POLI: variants seen among roughly 807,000 people sequenced by gnomAD.
The protein encoded by POLI is RAD30 homolog B.
POLI carries 58 observed loss-of-function variants against 51.6 expected under a neutral mutation model. That is an observed-to-expected ratio of 1.12 (90% CI 0.91 to 1.40). The LOEUF (loss-of-function observed/expected upper bound fraction) is 1.40. Among genes scored for constraint, POLI ranks in the 40% most tolerant of loss-of-function variants. The pLI is 0.00. For synonymous variants in POLI, 322 were observed against 299.7 expected, an observed-to-expected ratio of 1.07 and a Z score of -0.77; for missense variants, 921 against 871.3, an observed-to-expected ratio of 1.06 and a Z score of -0.72.
rs2088210051 is a variant in POLI at position 54,294,609 on chromosome 18, G to T, written c.*142G>T. 1.5e-6 allele frequency: 2 copies of T among 1,295,898 alleles called. No individual in the cohort carries two copies. The highest frequency in any genetic ancestry group is 2.0e-6 in the Non-Finnish European group (2 of 1,025,474). The allele number at this position is 1,295,898 out of a possible 1,614,324, so 80.3% of individuals were successfully genotyped here. A position where few individuals can be genotyped will look rare whatever the true frequency, so the allele number is the denominator to read the frequency against. ...CCAGATAAAGCAAGAATAGTTGCAAGAAGTAAATTCTGGCACAAAGCGTAA... is the reference window on the plus strand; with the variant it reads ...CCAGATAAAGCAAGAATAGTTGCAATAAGTAAATTCTGGCACAAAGCGTAA... On this transcript the variant is annotated 3_prime_UTR_variant, in exon 10 of 10. Coordinates refer to ENST00000579534, the MANE Select transcript of POLI (RefSeq NM_007195.3).
In POLI at chr18:54,297,472, G is replaced by T; in HGVS notation, c.*3005G>T. On this transcript the variant is annotated 3_prime_UTR_variant, in exon 10 of 10. Transcript: ENST00000579534. ...AGGTCTCTTTTCTCCAAGATCTAGT[G>T]TTTTGTACTAGGAGAACTCTAAAAA... 1 of 980,272 alleles carries T rather than the reference G, an allele frequency of 1.0e-6. No homozygotes were observed. Among genetic ancestry groups the T allele is most frequent in the Non-Finnish European group, 1.2e-6 (1 of 825,348 alleles). 60.7% of individuals were successfully genotyped at this position (980,272 alleles called of 1,614,324 possible).
At chr18:54,309,615 TG>T (rs1382506700) in intron 3 of POLI, among the ~76,000 whole-genome samples, 13 of 152,322 alleles carry the variant, frequency 8.5e-5, no homozygotes, top group African/African-American at 2.9e-4. Flanking sequence ...TCTTCAGAGC[TG>T]TCAGACAGGG....
chr18:54,319,088 A>G (rs2088765985), intron 3 of POLI, among the ~76,000 whole-genome samples: 1 of 152,128 alleles, frequency 6.6e-6, no homozygotes, highest in African/African-American at 2.4e-5. Flanking sequence ...CATTGGGACA[A>G]TGCCACCAGA....
exon 5 of POLI, chr18:54,321,241 A>G (rs561438650): frequency 6.6e-6 from 1 of 152,358 alleles, no homozygotes; most frequent in South Asian, 2.1e-4. Flanking sequence ...TGTTAAATAA[A>G]TGGAAGAATC....
At position 54,298,154 on chromosome 18, in the gene POLI, A is replaced by G. The variant is rs1485592731; in HGVS notation, c.*3687A>G. 1.6e-6 allele frequency: 1 copy of G among 615,664 alleles called. No individual in the cohort carries two copies. Among genetic ancestry groups the G allele is most frequent in the Non-Finnish European group, 2.0e-6 (1 of 492,256 alleles). The allele number at this position is 615,664 out of a possible 1,614,324, so 38.1% of individuals were successfully genotyped here. A position where few individuals can be genotyped will look rare whatever the true frequency, so the allele number is the denominator to read the frequency against. ...TTAAAATCTGTATATAGAAAGGTAC[A>G]TAAACATAAATGAACATGTTAATGA... is the stretch of plus-strand genomic sequence containing the variant. On this transcript the variant is annotated 3_prime_UTR_variant, in exon 10 of 10. Coordinates refer to ENST00000579534, the MANE Select transcript of POLI (RefSeq NM_007195.3).
chr18:54,300,980 T>C (rs575902162), downstream of POLI, among the ~76,000 whole-genome samples: 1 of 152,180 alleles, frequency 6.6e-6, no homozygotes, highest in African/African-American at 2.4e-5. Flanking sequence ...TATCCACAAT[T>C]GTAGTTAAGA....
At chr18:54,290,831 A>T (rs2087975916) in intron 8 of POLI, among the ~76,000 whole-genome samples, 1 of 152,050 alleles carries the variant, frequency 6.6e-6, no homozygotes, top group African/African-American at 2.4e-5. Context: ...GCCTATCTGG[A>T]TGGAGGGCTG....
chr18:54,293,504 CTA>C, intron 9 of POLI, 143 bp from the exon 10 acceptor site: 1 of 568,456 alleles, frequency 1.8e-6, no homozygotes, highest in Non-Finnish European at 3.1e-6. Flanking sequence ...TAGTAGATCT[CTA>C]GTTGTTTGGA....
chr18:54,303,467 G>A (rs2088527152), intron 3 of POLI, among the ~76,000 whole-genome samples: 1 of 151,952 alleles, frequency 6.6e-6, no homozygotes, highest in Non-Finnish European at 1.5e-5. Flanking sequence ...ATTTGGTGGG[G>A]GACTATAATT....
chr18:54,296,129 AAACT>A lies in POLI; in HGVS notation c.*1663_*1666del. ...ACATGAGTATTCCAGTAAGGTAATT[AAACT>A]TATGAAAAGGGTATATAACTTTTTG... On this transcript the variant is annotated 3_prime_UTR_variant, in exon 10 of 10. Transcript: ENST00000579534. The A allele has an allele frequency of 2.0e-6, 2 of 982,206 alleles. No individual in the cohort carries two copies. Among genetic ancestry groups the A allele is most frequent in the Non-Finnish European group, 2.4e-6 (2 of 827,006 alleles). 60.8% of individuals were successfully genotyped at this position (982,206 alleles called of 1,614,324 possible). A position where few individuals can be genotyped will look rare whatever the true frequency, so the allele number is the denominator to read the frequency against.
intron 1 of POLI, 116 bp downstream of exon 1, chr18:54,269,777 C>T (rs1185358007): frequency 1.4e-6 from 2 of 1,384,208 alleles, no homozygotes; most frequent in South Asian, 1.6e-5. Flanking sequence ...CCACTCGGCT[C>T]CTCTAAGAGA....
chr18:54,269,762 C>G (rs1176304693), intron 1 of POLI, 101 bp downstream of exon 1: 8 of 1,395,212 alleles, frequency 5.7e-6, no homozygotes, highest in Non-Finnish European at 7.4e-6. Flanking sequence ...GCGACCGTCC[C>G]CGCCCCACTC....
chr18:54,285,197 T>C (rs2144540509), intron 7 of POLI, among the ~76,000 whole-genome samples: 1 of 152,330 alleles, frequency 6.6e-6, no homozygotes, highest in South Asian at 2.1e-4. Flanking sequence ...GTGATATGAC[T>C]CAGGCTGGGC....
chr18:54,308,095 T>C (rs1210325058), intron 3 of POLI, among the ~76,000 whole-genome samples: 1 of 152,192 alleles, frequency 6.6e-6, no homozygotes, highest in Non-Finnish European at 1.5e-5. Flanking sequence ...AAGGTTAATA[T>C]TGTTATGTGT....
At chr18:54,311,017 T>C in intron 3 of POLI, 1 of 734,530 alleles carries the variant, frequency 1.4e-6, no homozygotes, top group Non-Finnish European at 1.7e-6. Context: ...CTTTGCTTCC[T>C]GAAGTGCTAG....
chr18:54,316,063 G>C (rs751267949), intron 3 of POLI, among the ~76,000 whole-genome samples: 8 of 151,992 alleles, frequency 5.3e-5, no homozygotes. Flanking sequence ...CTACAGGCAT[G>C]TACCACCATG....
At chr18:54,279,260 T>G (rs2087389137) in intron 4 of POLI, among the ~76,000 whole-genome samples, 2 of 141,346 alleles carry the variant, frequency 1.4e-5, no homozygotes, top group African/African-American at 6.0e-5. Flanking sequence ...TTTTTTTTTT[T>G]GAGACAGAGT....
At chr18:54,290,964 C>T (rs1371247544) in intron 8 of POLI, among the ~76,000 whole-genome samples, 1 of 152,104 alleles carries the variant, frequency 6.6e-6, no homozygotes, top group Non-Finnish European at 1.5e-5. Context: ...AACCCCAGAA[C>T]TTAAAGTATA....
chr18:54,307,111 T>C (rs1049051536), intron 3 of POLI, among the ~76,000 whole-genome samples: 4 of 152,338 alleles, frequency 2.6e-5, no homozygotes, highest in Admixed American at 1.3e-4. Context: ...CTCATCTTAG[T>C]TATTTCTTGC....
Sources: gnomAD v4.1 joint callset for allele counts (sites outside exome capture counted in the v4.1 genomes callset) on GRCh38, gnomAD v4.1.1 for gene constraint, MANE v1.5 for transcripts, NCBI Gene and HGNC (gene_info 2026-07-23, HGNC 2026-07-21) for gene names.